Variants in ETF1 observed in about 807,000 individuals in gnomAD.
The protein encoded by ETF1 is eukaryotic translation termination factor 1.
ETF1 carries 4 observed loss-of-function variants against 55.1 expected under a neutral mutation model. The observed-to-expected ratio is 0.07, with a 90% CI of 0.04 to 0.17. The LOEUF (loss-of-function observed/expected upper bound fraction) is 0.17. ETF1 is among the 10% of genes least tolerant of loss of function. The pLI is 1.00. For synonymous variants in ETF1, 157 were observed against 182.3 expected (o/e 0.86, Z 1.12); for missense variants, 142 against 523.6 (o/e 0.27, Z 7.11).
At chr5:138,519,665 GA>G (rs34267508) in intron 2 of ETF1, among the ~76,000 whole-genome samples, 3,142 of 128,078 alleles carry the variant, frequency 0.025, 46 homozygotes, top group Non-Finnish European at 0.035. Flanking sequence ...TTAGTCTCGA[GA>G]AAAAAAAAAA....
intron 2 of ETF1, among the ~76,000 whole-genome samples, chr5:138,542,023 A>T (rs1250564089): frequency 6.6e-6 from 1 of 152,198 alleles, no homozygotes; most frequent in Non-Finnish European, 1.5e-5. Flanking sequence ...AACAAGCATC[A>T]AGCACATCAG....
intron 2 of ETF1, among the ~76,000 whole-genome samples, chr5:138,534,265 A>G (rs1765822910): frequency 6.6e-6 from 1 of 152,244 alleles, no homozygotes; most frequent in African/African-American, 2.4e-5. Context: ...CACATCTGGT[A>G]GAGTGTGTAC....
intron 7 of ETF1, 43 bp downstream of exon 7, chr5:138,511,432 A>G (rs747446608): frequency 5.0e-6 from 8 of 1,604,692 alleles, no homozygotes; most frequent in African/African-American, 1.3e-5. Context: ...ACACACACAC[A>G]CGAAAACATT....
intron 1 of ETF1, 44 bp downstream of exon 1, chr5:138,543,053 A>G (rs940335464): frequency 4.6e-6 from 4 of 873,098 alleles, no homozygotes; most frequent in South Asian, 3.3e-5. Context: ...CGTCCGGTGC[A>G]GCTCGCCACA....
intron 9 of ETF1, among the ~76,000 whole-genome samples, 185 bp downstream of exon 9, chr5:138,510,380 A>C (rs1764724297): frequency 6.7e-6 from 1 of 148,934 alleles, no homozygotes; most frequent in African/African-American, 2.5e-5. Flanking sequence ...AAAAAAAAAA[A>C]AAAAAAAAGC....
chr5:138,541,689 C>A, intron 2 of ETF1: 1 of 1,438,120 alleles, frequency 7.0e-7, no homozygotes, highest in Non-Finnish European at 9.1e-7. Flanking sequence ...TTTCACATGG[C>A]CTGAGGCAGG....
chr5:138,522,630 A>C (rs185806102), intron 2 of ETF1, among the ~76,000 whole-genome samples: 36 of 152,326 alleles, frequency 2.4e-4, no homozygotes, highest in Admixed American at 2.0e-3. Flanking sequence ...CATATGTCCA[A>C]CTGATAAATG....
chr5:138,512,443 A>C (rs1174492207), intron 6 of ETF1, among the ~76,000 whole-genome samples: 1 of 151,258 alleles, frequency 6.6e-6, no homozygotes, highest in Non-Finnish European at 1.5e-5. Context: ...ATAAATCAGA[A>C]AAAGAAAATA....
chr5:138,542,723 G>A (rs1285947769), intron 2 of ETF1, 110 bp downstream of exon 2: 4 of 1,532,896 alleles, frequency 2.6e-6, no homozygotes, highest in South Asian at 2.4e-5. Context: ...CCAGAAGGCG[G>A]GAGTTGGCTA....
In ETF1 at chr5:138,508,280, G is replaced by A. The variant is rs1343793833; in HGVS notation, c.*25C>T. 10 of 1,609,718 alleles carry A rather than the reference G, an allele frequency of 6.2e-6. No homozygotes were observed. The highest frequency in any genetic ancestry group is 1.7e-5 in the Admixed American group (1 of 59,546). On this transcript the variant is annotated 3_prime_UTR_variant, in exon 11 of 11. Transcript: ENST00000360541. ...GGTTGGATGCTGGAGGGTGAGGCAC[G>A]TTTTGCCGGACCCATGTCGACTACC...
chr5:138,528,651 G>A (rs1765572789), intron 2 of ETF1, among the ~76,000 whole-genome samples: 1 of 152,110 alleles, frequency 6.6e-6, no homozygotes, highest in African/African-American at 2.4e-5. Context: ...TGAATTAGGT[G>A]CAAAAAATTA....
At position 138,508,059 on chromosome 5, in the gene ETF1, T is replaced by C. The variant is rs1311750737; in HGVS notation, c.*246A>G. 1 of 397,790 alleles carries C rather than the reference T, an allele frequency of 2.5e-6. No individual in the cohort carries two copies. The highest frequency in any genetic ancestry group is 2.1e-5 in the African/African-American group (1 of 48,650). The allele number at this position is 397,790 out of a possible 1,614,324, so 24.6% of individuals were successfully genotyped here. A position where few individuals can be genotyped will look rare whatever the true frequency, so the allele number is the denominator to read the frequency against. On this transcript the variant is annotated 3_prime_UTR_variant, in exon 11 of 11. Coordinates refer to ENST00000360541, the MANE Select transcript of ETF1 (RefSeq NM_004730.4). The stretch of plus-strand genomic sequence containing the variant: ...AAAAGTAAAAACTGGGATTCTTTTT[T>C]AAATTAGTCCAAAGTGGCGTTTAGG...
At chr5:138,537,382 A>C (rs57280600) in intron 2 of ETF1, among the ~76,000 whole-genome samples, 1,926 of 152,280 alleles carry the variant, frequency 0.013, 47 homozygotes, top group African/African-American at 0.044. Flanking sequence ...CTATGTGGCA[A>C]ATGTGGTGTT....
intron 6 of ETF1, among the ~76,000 whole-genome samples, chr5:138,512,197 C>CAA (rs58386195): frequency 0.014 from 40 of 2,838 alleles, 10 homozygotes; most frequent in Non-Finnish European, 0.021. Context: ...GACCCAGTCT[C>CAA]AAAAAAAAAA....
chr5:138,529,970 T>C (rs1456712903), intron 2 of ETF1, among the ~76,000 whole-genome samples: 1 of 152,086 alleles, frequency 6.6e-6, no homozygotes, highest in African/African-American at 2.4e-5. Context: ...CACGAACTCT[T>C]GGGCCCAAAC....
chr5:138,511,599 T>C lies in ETF1; in HGVS notation c.738A>G (p.Leu246=). 1 of 1,606,638 alleles carries C rather than the reference T, an allele frequency of 6.2e-7. No individual in the cohort carries two copies. The highest frequency in any genetic ancestry group is 8.5e-7 in the Non-Finnish European group (1 of 1,176,574). The change falls in exon 7 of 11, where the codon TTA becomes TTG. Residue 246 remains leucine (L), a synonymous_variant. Coordinates refer to ENST00000360541, the MANE Select transcript of ETF1 (RefSeq NM_004730.4). The part of the protein sequence containing the change: ...LSQSDMFDQR[L]QSKVLKLVDI... ...CAACTAATTTTAAAACTTTTGATTG[T>C]AACCTCTAACACACAAAAAAAATAT...
chr5:138,513,974 G>A, intron 4 of ETF1: 10 of 859,702 alleles, frequency 1.2e-5, no homozygotes, highest in Non-Finnish European at 1.4e-5. Context: ...AAACCAGAAA[G>A]ATATCTGTAT....
intron 10 of ETF1, 56 bp from the exon 11 acceptor site, chr5:138,508,443 T>C (rs569492217): frequency 3.7e-6 from 6 of 1,607,168 alleles, no homozygotes; most frequent in Admixed American, 1.7e-5. Flanking sequence ...GGCATGTGTG[T>C]AGGTGGCTGG....
At chr5:138,518,203 CAAAA>C (rs35745884) in intron 3 of ETF1, among the ~76,000 whole-genome samples, 2 of 80,434 alleles carry the variant, frequency 2.5e-5, no homozygotes, top group Admixed American at 1.5e-4. Context: ...TGTCTCATCC[CAAAA>C]AAAAAAAAAA....
Sources: gnomAD v4.1 joint callset for allele counts (sites outside exome capture counted in the v4.1 genomes callset) on GRCh38, gnomAD v4.1.1 for gene constraint, MANE v1.5 for transcripts, NCBI Gene and HGNC (gene_info 2026-07-23, HGNC 2026-07-21) for gene names.